Variants in GAL3ST4 observed in about 807,000 individuals in gnomAD.
GAL3ST4 encodes galactose-3-O-sulfotransferase 4.
GAL3ST4 carries 30 observed loss-of-function variants against 31.6 expected under a neutral mutation model. That is an observed-to-expected ratio of 0.95 (90% CI 0.71 to 1.29). The LOEUF (loss-of-function observed/expected upper bound fraction) is 1.29, where lower values mean the gene tolerates loss of function less well. GAL3ST4 is among the 50% of genes most tolerant of loss of function. The probability of loss-of-function intolerance (pLI) is 0.00; values close to 1 mark genes in which losing one functional copy is unlikely to be tolerated. For synonymous variants in GAL3ST4, 248 were observed against 256.9 expected, an observed-to-expected ratio of 0.97 and a Z score of 0.33; for missense variants, 629 against 625.2, an observed-to-expected ratio of 1.01 and a Z score of -0.06.
rs1032230373 is a variant in GAL3ST4 at position 100,159,646 on chromosome 7, G to C, written c.*282C>G. 2 of 314,670 alleles carry C rather than the reference G, an allele frequency of 6.4e-6. No homozygotes were observed. Among genetic ancestry groups the C allele is most frequent in the Non-Finnish European group, 1.2e-5 (2 of 169,242 alleles). 19.5% of individuals were successfully genotyped at this position (314,670 alleles called of 1,614,324 possible). On this transcript the variant is annotated 3_prime_UTR_variant, in exon 4 of 4. Coordinates refer to ENST00000360039, the MANE Select transcript of GAL3ST4 (RefSeq NM_024637.5). ...GAGGCAGGAGAATCGCTTGAACCTG[G>C]GAGGCAGAGGTTGCAGTGAGCCGAG...
In GAL3ST4 at chr7:100,160,184, G is replaced by A. The variant is rs141078471; in HGVS notation, c.1205C>T (p.Ala402Val). 6.2e-7 allele frequency: 1 copy of A among 1,614,156 alleles called. No individual in the cohort carries two copies. The highest frequency in any genetic ancestry group is 8.5e-7 in the Non-Finnish European group (1 of 1,180,014). Residue 402 changes from alanine (A) to valine (V), a missense_variant, in exon 4 of 4, where the codon GCC (alanine) becomes GTC (valine). Physicochemically the swap from Ala to Val is moderately conservative, Grantham distance 64. Coordinates refer to ENST00000360039, the MANE Select transcript of GAL3ST4 (RefSeq NM_024637.5). ...CCCTACCAGACAATGTTTCGCTAGG[G>A]CCTCTCGGCGAGCCCGGAGCTCGGC... Reference protein sequence around the residue: ...AVAELRARREALAKHCLVGGE... With the variant: ...AVAELRARREVLAKHCLVGGE...
rs111273114 is a variant in GAL3ST4, at chr7:100,160,082, C to G, written c.1307G>C (p.Gly436Ala). ...PFQFGSAKVL[G>A]YILRSGLSPQ... ...GCTCAATCCACTCCGAAGTATATAGCCCAAAACCTTAGCTGACCCAAACTG... is the reference window on the plus strand; with the variant it reads ...GCTCAATCCACTCCGAAGTATATAGGCCAAAACCTTAGCTGACCCAAACTG... The change falls in exon 4 of 4, where the codon GGC becomes GCC. Residue 436 changes from glycine to alanine, a missense_variant. Transcript: ENST00000360039. 1 of 1,614,038 alleles carries G rather than the reference C, an allele frequency of 6.2e-7. No individual in the cohort carries two copies. Among genetic ancestry groups the G allele is most frequent in the African/African-American group, 1.3e-5 (1 of 74,918 alleles).
chr7:100,160,950 C>A lies in GAL3ST4; in HGVS notation c.439G>T (p.Val147Phe). 1 of 1,590,912 alleles carries A rather than the reference C, an allele frequency of 6.3e-7. No homozygotes were observed. The highest frequency in any genetic ancestry group is 8.5e-7 in the Non-Finnish European group (1 of 1,170,210). ...AAAAAGAAGCTGTCAGAAGGCATGA[C>A]CTGAAGTACCTGCAGAGGAGGGAAG... ...MRFNLKEVLQ[V>F]MPSDSFFFSI... Residue 147 changes from valine (V) to phenylalanine (F), a missense_variant, in exon 4 of 4, where the codon GTC becomes TTC. Transcript: ENST00000360039.
In GAL3ST4 at chr7:100,160,008, A is replaced by C. The variant is rs756303497; in HGVS notation, c.1381T>G (p.Tyr461Asp). The C allele has an allele frequency of 1.9e-6, 3 of 1,613,948 alleles. No homozygotes were observed. Among genetic ancestry groups the C allele is most frequent in the South Asian group, 1.1e-5 (1 of 91,072 alleles). ...CERLATPELQ[Y>D]KDKLDAKQFP... ...TGCTTGGCATCCAGCTTGTCCTTGT[A>C]CTGGAGCTCAGGGGTAGCTAGGCGC... The change falls in exon 4 of 4, where the codon TAC becomes GAC. Residue 461 changes from tyrosine to aspartate, a missense_variant. Transcript: ENST00000360039.
chr7:100,160,356 T>TG lies in GAL3ST4; in HGVS notation c.1032dup (p.Asn345GlnfsTer68). ...CGGTCCTCCGCAGTCAGTCCACTGT[T>TG]GCTGACAGTGCTGAGGCCCTGCTTA... On this transcript the variant is annotated frameshift_variant, in exon 4 of 4. Coordinates refer to ENST00000360039, the MANE Select transcript of GAL3ST4 (RefSeq NM_024637.5). LOFTEE classifies it high-confidence loss of function. 1 of 1,614,118 alleles carries TG rather than the reference T, an allele frequency of 6.2e-7. No individual in the cohort carries two copies. The highest frequency in any genetic ancestry group is 8.5e-7 in the Non-Finnish European group (1 of 1,180,034).
intron 2 of GAL3ST4, 62 bp downstream of exon 2, chr7:100,166,894 AGTCACCAGCCCCAGG>A: frequency 6.4e-7 from 1 of 1,557,450 alleles, no homozygotes; most frequent in Middle Eastern, 1.8e-4. Flanking sequence ...AGTCCTCAGG[AGTCACCAGCCCCAGG>A]TGGGATGGGG....
chr7:100,165,803 A>G (rs1361622162), intron 3 of GAL3ST4, among the ~76,000 whole-genome samples: 1 of 135,582 alleles, frequency 7.4e-6, no homozygotes, highest in African/African-American at 2.8e-5. Flanking sequence ...CCTGGATGAC[A>G]GAATGAGACC....
intron 3 of GAL3ST4, 54 bp from the exon 4 acceptor site, chr7:100,161,013 A>AT (rs1198987490): frequency 4.8e-6 from 7 of 1,452,832 alleles, no homozygotes; most frequent in Non-Finnish European, 5.5e-6. Context: ...GAAGGTATGC[A>AT]TAAGTATGCA....
chr7:100,160,666 C>T lies in GAL3ST4; in HGVS notation c.723G>A (p.Gln241=). The T allele has an allele frequency of 1.2e-6, 2 of 1,613,958 alleles. No homozygotes were observed. Among genetic ancestry groups the T allele is most frequent in the Non-Finnish European group, 1.7e-6 (2 of 1,180,022 alleles). The part of the protein sequence containing the change: ...PPRDPNPPQL[Q]VLPSGAGPRA... ...GAGGGCCAGCACCAGAAGGCAAGAC[C>T]TGCAGCTGTGGGGGGTTGGGGTCTC... Residue 241 remains glutamine, a synonymous_variant, in exon 4 of 4, where the codon CAG becomes CAA. Coordinates refer to ENST00000360039, the MANE Select transcript of GAL3ST4 (RefSeq NM_024637.5).
Position 100,160,340 on chromosome 7 carries a change from GCAGTCAGTCCAC to G in GAL3ST4, c.1037_1048del (p.Ser346_Ala350delinsThr), listed in dbSNP as rs779549003. The G allele has an allele frequency of 1.4e-5, 23 of 1,613,962 alleles. No individual in the cohort carries two copies. The highest frequency in any genetic ancestry group is 1.8e-5 in the Non-Finnish European group (21 of 1,180,006). ...CCGTGCAGTCAGCTGCCGGTCCTCCGCAGTCAGTCCACTGTTGCTGACAGTGCTGAGGCCCTG... is the reference window on the plus strand; with the variant it reads ...CCGTGCAGTCAGCTGCCGGTCCTCCGTGTTGCTGACAGTGCTGAGGCCCTG... On this transcript the variant is annotated inframe_deletion, in exon 4 of 4. Transcript: ENST00000360039.
At chr7:100,162,729 A>G (rs954616255) in intron 3 of GAL3ST4, among the ~76,000 whole-genome samples, 5 of 151,338 alleles carry the variant, frequency 3.3e-5, no homozygotes, top group Admixed American at 6.6e-5. Context: ...CAAGGCTTAA[A>G]ACCTAGATGA....
At chr7:100,161,819 A>G (rs962106497) in intron 3 of GAL3ST4, among the ~76,000 whole-genome samples, 1 of 152,216 alleles carries the variant, frequency 6.6e-6, no homozygotes, top group Non-Finnish European at 1.5e-5. Flanking sequence ...CATCATGCTC[A>G]GCAAACTAAC....
At chr7:100,163,351 G>C (rs1447195314) in intron 3 of GAL3ST4, among the ~76,000 whole-genome samples, 1 of 151,962 alleles carries the variant, frequency 6.6e-6, no homozygotes, top group African/African-American at 2.4e-5. Flanking sequence ...CTAGCTCCTA[G>C]TCTCCTTGAA....
Position 100,160,968 on chromosome 7 carries a change from G to A in GAL3ST4, c.430-9C>T, listed in dbSNP as rs373798097. 1.3e-6 allele frequency: 2 copies of A among 1,569,856 alleles called. No homozygotes were observed. Among genetic ancestry groups the A allele is most frequent in the South Asian group, 2.4e-5 (2 of 83,982 alleles). ...GGCATGACCTGAAGTACCTGCAGAG[G>A]AGGGAAGACAGAAGAGAGAGAACTG... On this transcript the variant is annotated splice_polypyrimidine_tract_variant and intron_variant, in intron 3 of 3. Coordinates refer to ENST00000360039, the MANE Select transcript of GAL3ST4 (RefSeq NM_024637.5).
At position 100,160,669 on chromosome 7, in the gene GAL3ST4, C is replaced by A. The variant is rs1385673731; in HGVS notation, c.720G>T (p.Leu240=). The change falls in exon 4 of 4, where the codon CTG becomes CTT. Residue 240 remains leucine (L), a synonymous_variant. Coordinates refer to ENST00000360039, the MANE Select transcript of GAL3ST4 (RefSeq NM_024637.5). ...HPPRDPNPPQ[L]QVLPSGAGPR... ...GGCCAGCACCAGAAGGCAAGACCTG[C>A]AGCTGTGGGGGGTTGGGGTCTCTGG... The A allele has an allele frequency of 6.2e-7, 1 of 1,613,858 alleles. No individual in the cohort carries two copies. Among genetic ancestry groups the A allele is most frequent in the Non-Finnish European group, 8.5e-7 (1 of 1,180,010 alleles).
chr7:100,161,042 A>G (rs1798997188), intron 3 of GAL3ST4, 83 bp from the exon 4 acceptor site: 2 of 1,240,386 alleles, frequency 1.6e-6, no homozygotes, highest in Admixed American at 2.9e-5. Context: ...GTGTCCGCTG[A>G]CCAGCCTCCT....
In GAL3ST4 at chr7:100,167,204, G is replaced by C; in HGVS notation, c.-109C>G. On this transcript the variant is annotated 5_prime_UTR_variant, in exon 2 of 4. Coordinates refer to ENST00000360039, the MANE Select transcript of GAL3ST4 (RefSeq NM_024637.5). ...CTGCGGAAGGCACTGGTTGGAGATC[G>C]GGGGGTCATTCCCCAGGCCTGCTCA... is the stretch of plus-strand genomic sequence containing the variant. 6.5e-7 allele frequency: 1 copy of C among 1,542,988 alleles called. No homozygotes were observed. The highest frequency in any genetic ancestry group is 1.2e-5 in the South Asian group (1 of 83,062).
intron 3 of GAL3ST4, among the ~76,000 whole-genome samples, chr7:100,162,544 CAA>C (rs535834382): frequency 4.2e-5 from 3 of 71,606 alleles, no homozygotes; most frequent in African/African-American, 1.0e-4. Context: ...GACTCTGTCT[CAA>C]AAAAAAAAAA....
Position 100,160,542 on chromosome 7 carries a change from A to T in GAL3ST4, c.847T>A (p.Ser283Thr), listed in dbSNP as rs1798983254. 1 of 1,613,538 alleles carries T rather than the reference A, an allele frequency of 6.2e-7. No individual in the cohort carries two copies. Among genetic ancestry groups the T allele is most frequent in the African/African-American group, 1.3e-5 (1 of 74,816 alleles). ...ISSPASFDLGSSSFIQWGLAW... is the reference protein window; with the variant it reads ...ISSPASFDLGTSSFIQWGLAW... ...AGACCCCACTGGATGAAGGATGAAG[A>T]CCCCAAATCGAAAGAGGCAGGGCTT... The change falls in exon 4 of 4, where the codon TCT becomes ACT. Residue 283 changes from serine to threonine, a missense_variant. Physicochemically the swap from Ser to Thr is moderately conservative, Grantham distance 58. Coordinates refer to ENST00000360039, the MANE Select transcript of GAL3ST4 (RefSeq NM_024637.5).
Sources: gnomAD v4.1 joint callset for allele counts (sites outside exome capture counted in the v4.1 genomes callset) on GRCh38, gnomAD v4.1.1 for gene constraint, MANE v1.5 for transcripts, NCBI Gene and HGNC (gene_info 2026-07-23, HGNC 2026-07-21) for gene names.